Variants in KCNB2 observed in about 807,000 individuals in gnomAD.
KCNB2 encodes the protein delayed rectifier potassium channel protein.
KCNB2 carries 15 observed loss-of-function variants against 61.5 expected under a neutral mutation model. The ratio of observed to expected loss-of-function variants is 0.24; its 90% CI spans 0.16 to 0.38. The LOEUF (loss-of-function observed/expected upper bound fraction) is 0.38, where lower values mean the gene tolerates loss of function less well. Among genes scored for constraint, KCNB2 ranks in the 10% least tolerant of loss-of-function variants. The pLI, the probability that KCNB2 is intolerant of heterozygous loss-of-function variation, is 1.00. For synonymous variants in KCNB2, 457 were observed against 446.0 expected, an observed-to-expected ratio of 1.02 and a Z score of -0.31; for missense variants, 828 against 1,125.2, an observed-to-expected ratio of 0.74 and a Z score of 3.78.
intron 2 of KCNB2, among the ~76,000 whole-genome samples, chr8:72,624,472 T>A (rs1447034482): frequency 6.6e-6 from 1 of 152,210 alleles, no homozygotes; most frequent in Admixed American, 6.5e-5. Flanking sequence ...CTCTCAAACC[T>A]TCTTCATAAG....
rs377363913 is a variant in KCNB2 at position 72,705,684 on chromosome 8, A to C, written c.579+137371A>C. ...AAAATTTGTGGGCTGGTGGAGGAAG[A>C]CAATCAAGCCAACTAAACCACAGCA... On this transcript the variant is annotated intron_variant, in intron 2 of 2. Transcript: ENST00000523207. 1.5e-4 allele frequency among the ~76,000 whole-genome samples: 23 copies of C among 152,336 alleles called. 1 individual carries two copies. In the East Asian group the frequency reaches 4.1e-3, roughly 27 times the overall value.
At chr8:72,841,397 G>A (rs1809884992) in intron 2 of KCNB2, among the ~76,000 whole-genome samples, 1 of 119,322 alleles carries the variant, frequency 8.4e-6, no homozygotes, top group Non-Finnish European at 1.6e-5. Flanking sequence ...TTTTGCTTAG[G>A]ATTGTCTTGG....
At position 72,727,762 on chromosome 8, in the gene KCNB2, T is replaced by A. The variant is rs976138374; in HGVS notation, c.579+159449T>A. Among the ~76,000 whole-genome samples the A allele has an allele frequency of 2.0e-5, 3 of 152,196 alleles. No individual in the cohort carries two copies. In the South Asian group the frequency reaches 6.2e-4, roughly 32 times the overall value. ...ACAAGGAGGATTAGACAAGAGATCA[T>A]ATATCATGACTGAAAAACACAGAAT... On this transcript the variant is annotated intron_variant, in intron 2 of 2. Coordinates refer to ENST00000523207, the MANE Select transcript of KCNB2 (RefSeq NM_004770.3).
At chr8:72,845,839 C>T (rs1314862627) in intron 2 of KCNB2, among the ~76,000 whole-genome samples, 2 of 152,184 alleles carry the variant, frequency 1.3e-5, no homozygotes, top group African/African-American at 2.4e-5. Context: ...GTGCTGGCAG[C>T]GACAATCTCA....
chr8:72,836,083 G>A (rs1457645302), intron 2 of KCNB2, among the ~76,000 whole-genome samples: 1 of 152,180 alleles, frequency 6.6e-6, no homozygotes, highest in Non-Finnish European at 1.5e-5. Flanking sequence ...AAATGTCAAT[G>A]CCACATCTAT....
intron 2 of KCNB2, among the ~76,000 whole-genome samples, chr8:72,889,609 C>T (rs1423476802): frequency 6.6e-6 from 1 of 152,024 alleles, no homozygotes; most frequent in Non-Finnish European, 1.5e-5. Flanking sequence ...ATCACTTGAG[C>T]CTGGGAGGTG....
intron 2 of KCNB2, among the ~76,000 whole-genome samples, chr8:72,747,319 C>T (rs907555285): frequency 6.6e-6 from 1 of 152,114 alleles, no homozygotes; most frequent in African/African-American, 2.4e-5. Flanking sequence ...GGTGCCTGGC[C>T]CCATGGTGAT....
intron 2 of KCNB2, among the ~76,000 whole-genome samples, chr8:72,814,152 A>G (rs1809351171): frequency 6.6e-6 from 1 of 152,098 alleles, no homozygotes; most frequent in Non-Finnish European, 1.5e-5. Context: ...TTATTTTTGT[A>G]CATTCCAGCC....
At chr8:72,821,918 C>T (rs1197693912) in intron 2 of KCNB2, among the ~76,000 whole-genome samples, 1 of 152,174 alleles carries the variant, frequency 6.6e-6, no homozygotes, top group Non-Finnish European at 1.5e-5. Flanking sequence ...CCACTCCCCA[C>T]ACACATCCAG....
chr8:72,856,389 T>C (rs1810208082), intron 2 of KCNB2, among the ~76,000 whole-genome samples: 1 of 152,148 alleles, frequency 6.6e-6, no homozygotes, highest in Non-Finnish European at 1.5e-5. Flanking sequence ...GCTGCCATAT[T>C]GGACAGTGCA....
At chr8:72,548,912 G>A (rs1399068906) in intron 1 of KCNB2, among the ~76,000 whole-genome samples, 1 of 152,144 alleles carries the variant, frequency 6.6e-6, no homozygotes, top group Non-Finnish European at 1.5e-5. Flanking sequence ...TCATTAATGA[G>A]ATATTTACTG....
intron 2 of KCNB2, among the ~76,000 whole-genome samples, chr8:72,659,047 A>G (rs1806337794): frequency 6.6e-6 from 1 of 152,184 alleles, no homozygotes; most frequent in Admixed American, 6.5e-5. Flanking sequence ...TCCAAGTTTT[A>G]TTATATAAAA....
chr8:72,871,955 G>C (rs540692323), intron 2 of KCNB2, among the ~76,000 whole-genome samples: 1 of 152,294 alleles, frequency 6.6e-6, no homozygotes, highest in East Asian at 1.9e-4. Context: ...CTTCCATCAT[G>C]CAAGTCCATT....
chr8:72,783,197 G>A (rs1043622772), intron 2 of KCNB2, among the ~76,000 whole-genome samples: 5 of 151,994 alleles, frequency 3.3e-5, no homozygotes, highest in Non-Finnish European at 7.4e-5. Flanking sequence ...TTCTTCAAGG[G>A]GTTCCAACTT....
chr8:72,759,286 G>A (rs996646137), intron 2 of KCNB2, among the ~76,000 whole-genome samples: 5 of 151,990 alleles, frequency 3.3e-5, no homozygotes, highest in African/African-American at 1.2e-4. Flanking sequence ...AATGAAACTC[G>A]CCCTGTGGAG....
chr8:72,615,624 C>T (rs1002225638), intron 2 of KCNB2, among the ~76,000 whole-genome samples: 1 of 152,158 alleles, frequency 6.6e-6, no homozygotes, highest in Non-Finnish European at 1.5e-5. Context: ...GGCCAGACCA[C>T]TGGGGATGGG....
At chr8:72,726,384 G>C (rs925639322) in intron 2 of KCNB2, among the ~76,000 whole-genome samples, 1 of 152,106 alleles carries the variant, frequency 6.6e-6, no homozygotes, top group Non-Finnish European at 1.5e-5. Flanking sequence ...ATTTTGTTAC[G>C]GCAACCCATG....
At chr8:72,676,108 A>G (rs866981864) in intron 2 of KCNB2, among the ~76,000 whole-genome samples, 23 of 152,284 alleles carry the variant, frequency 1.5e-4, no homozygotes, top group African/African-American at 5.3e-4. Context: ...TCTACCTCCC[A>G]AACCTACTTA....
chr8:72,538,948 A>G (rs1232283402), intron 1 of KCNB2, among the ~76,000 whole-genome samples: 1 of 152,224 alleles, frequency 6.6e-6, no homozygotes, highest in Non-Finnish European at 1.5e-5. Flanking sequence ...ATTTCGGTCA[A>G]AAATCTTGTC....
Sources: gnomAD v4.1 joint callset for allele counts (sites outside exome capture counted in the v4.1 genomes callset) on GRCh38, gnomAD v4.1.1 for gene constraint, MANE v1.5 for transcripts, NCBI Gene and HGNC (gene_info 2026-07-23, HGNC 2026-07-21) for gene names.